CHST11: variants seen among roughly 807,000 people sequenced by gnomAD.
CHST11 encodes the protein carbohydrate sulfotransferase 11.
A neutral mutation model predicts 30.4 loss-of-function variants in CHST11; 9 were observed. That is an observed-to-expected ratio of 0.30 (90% CI 0.18 to 0.52). The LOEUF is 0.52. Ranked by LOEUF, CHST11 falls within the 20% of genes least tolerant of loss-of-function variation. The pLI is 0.97. For synonymous variants in CHST11, 152 were observed against 187.8 expected, an observed-to-expected ratio of 0.81 and a Z score of 1.56; for missense variants, 348 against 460.6, an observed-to-expected ratio of 0.76 and a Z score of 2.24.
intron 2 of CHST11, among the ~76,000 whole-genome samples, chr12:104,713,366 G>A (rs2040103587): frequency 2.0e-5 from 3 of 152,094 alleles, no homozygotes; most frequent in African/African-American, 7.2e-5. Flanking sequence ...GAGCCCTCCA[G>A]GATAGAAATC....
At chr12:104,560,910 G>A (rs1431305862) in intron 1 of CHST11, among the ~76,000 whole-genome samples, 1 of 152,194 alleles carries the variant, frequency 6.6e-6, no homozygotes, top group Non-Finnish European at 1.5e-5. Context: ...TGACATTGCT[G>A]TGGTCAGCCA....
intron 1 of CHST11, among the ~76,000 whole-genome samples, chr12:104,523,055 A>C (rs948050585): frequency 6.6e-6 from 1 of 152,266 alleles, no homozygotes; most frequent in African/African-American, 2.4e-5. Context: ...TTGACTAATT[A>C]GAAATGGAGA....
At chr12:104,469,515 C>A (rs1280314955) in intron 1 of CHST11, among the ~76,000 whole-genome samples, 1 of 152,190 alleles carries the variant, frequency 6.6e-6, no homozygotes, top group Non-Finnish European at 1.5e-5. Flanking sequence ...GGTAGCATGG[C>A]AGCCTGTATG....
At chr12:104,603,935 C>A (rs2038979830) in intron 2 of CHST11, among the ~76,000 whole-genome samples, 1 of 152,176 alleles carries the variant, frequency 6.6e-6, no homozygotes, top group Non-Finnish European at 1.5e-5. Context: ...TTCATTCACT[C>A]CTTTTTTTCA....
rs184899490 is a variant in CHST11 at position 104,539,338 on chromosome 12, T to G, written c.119-62568T>G. 4.9e-4 allele frequency among the ~76,000 whole-genome samples: 74 copies of G among 152,358 alleles called. No homozygotes were observed. The East Asian group carries it at 0.013, about 26-fold the overall frequency. On this transcript the variant is annotated intron_variant, in intron 1 of 2. Transcript: ENST00000303694. ...TAATATTGGTACCTCCCTGGAGGCT[T>G]TAATAAGATAATGCACCACACCTAG... is the stretch of plus-strand genomic sequence containing the variant.
chr12:104,622,988 T>G (rs1160480975), intron 2 of CHST11, among the ~76,000 whole-genome samples: 2 of 152,208 alleles, frequency 1.3e-5, no homozygotes, highest in Non-Finnish European at 2.9e-5. Flanking sequence ...CTCAACTAAG[T>G]TGGTGCATTA....
intron 1 of CHST11, among the ~76,000 whole-genome samples, chr12:104,467,560 C>T (rs1263783591): frequency 6.6e-6 from 1 of 152,150 alleles, no homozygotes; most frequent in Non-Finnish European, 1.5e-5. Context: ...GCTGATATTT[C>T]CAGCATCACC....
chr12:104,744,513 T>C (rs2040373481), intron 2 of CHST11, among the ~76,000 whole-genome samples: 1 of 152,240 alleles, frequency 6.6e-6, no homozygotes, highest in Admixed American at 6.5e-5. Context: ...CTTTGTCGGA[T>C]GCATAGTTCG....
intron 1 of CHST11, among the ~76,000 whole-genome samples, chr12:104,534,748 C>G (rs1565977964): frequency 6.6e-6 from 1 of 152,186 alleles, no homozygotes; most frequent in Non-Finnish European, 1.5e-5. Context: ...GACTGAAGAG[C>G]ATAATGCATG....
intron 2 of CHST11, among the ~76,000 whole-genome samples, chr12:104,677,192 T>C (rs1008132472): frequency 1.3e-5 from 2 of 152,202 alleles, no homozygotes; most frequent in African/African-American, 4.8e-5. Context: ...TGATTACTTT[T>C]CAATTATTTT....
At chr12:104,713,429 C>T (rs2040104052) in intron 2 of CHST11, among the ~76,000 whole-genome samples, 1 of 152,136 alleles carries the variant, frequency 6.6e-6, no homozygotes, top group South Asian at 2.1e-4. Flanking sequence ...GCCTTGCCTA[C>T]TCTGAGCACC....
At chr12:104,670,831 TCACACACACTCC>T (rs1566031616) in intron 2 of CHST11, among the ~76,000 whole-genome samples, 2 of 143,412 alleles carry the variant, frequency 1.4e-5, no homozygotes, top group African/African-American at 5.3e-5. Flanking sequence ...ACATACATTC[TCACACACACTCC>T]CACACATACC....
intron 1 of CHST11, among the ~76,000 whole-genome samples, chr12:104,469,927 A>G (rs1331849528): frequency 6.6e-6 from 1 of 152,210 alleles, no homozygotes; most frequent in African/African-American, 2.4e-5. Flanking sequence ...AAAAGTTTCT[A>G]TCTTTTTAAG....
At chr12:104,517,019 A>C (rs189160342) in intron 1 of CHST11, among the ~76,000 whole-genome samples, 2 of 151,762 alleles carry the variant, frequency 1.3e-5, no homozygotes, top group African/African-American at 4.8e-5. Context: ...AGCTCTCTTC[A>C]TGCATTCTCT....
Position 104,757,292 on chromosome 12 carries a change from T to C in CHST11, c.548T>C (p.Leu183Pro). Residue 183 changes from leucine (L) to proline (P), a missense_variant, in exon 3 of 3, where the codon CTG (leucine) becomes CCG (proline). Physicochemically the swap from Leu to Pro is moderately conservative, Grantham distance 98. Transcript: ENST00000303694. This position sits in a 1 kb window ranked among gnomAD's most constrained non-coding sequence, Gnocchi z 6.5. The part of the protein sequence containing the change: ...NHRLKSYMKF[L>P]FVREPFERLV... ...CGCTTGAAAAGCTACATGAAGTTCC[T>C]GTTTGTCCGGGAGCCCTTCGAGAGG... is the stretch of plus-strand genomic sequence containing the variant. 6.2e-7 allele frequency: 1 copy of C among 1,614,112 alleles called. No individual in the cohort carries two copies. Among genetic ancestry groups the C allele is most frequent in the Non-Finnish European group, 8.5e-7 (1 of 1,180,018 alleles).
intron 2 of CHST11, among the ~76,000 whole-genome samples, chr12:104,608,584 T>C (rs1391781592): frequency 6.6e-6 from 1 of 152,166 alleles, no homozygotes; most frequent in African/African-American, 2.4e-5. Context: ...CTTTTTCTAA[T>C]AAATCTGCCT....
chr12:104,708,917 G>C (rs1390716418), intron 2 of CHST11, among the ~76,000 whole-genome samples: 1 of 152,174 alleles, frequency 6.6e-6, no homozygotes, highest in Non-Finnish European at 1.5e-5. Flanking sequence ...TAGCTTCATA[G>C]AATGTGGCCT....
At chr12:104,633,511 T>C (rs1306708566) in intron 2 of CHST11, among the ~76,000 whole-genome samples, 1 of 146,762 alleles carries the variant, frequency 6.8e-6, no homozygotes, top group Non-Finnish European at 1.5e-5. Context: ...GTCTCTTGGG[T>C]TCAGGCAATT....
intron 2 of CHST11, among the ~76,000 whole-genome samples, chr12:104,665,999 T>G (rs1335729905): frequency 1.3e-5 from 2 of 151,860 alleles, no homozygotes; most frequent in Non-Finnish European, 2.9e-5. Context: ...TTTTGTATTT[T>G]AATAGAGATG....
Sources: gnomAD v4.1 joint callset for allele counts (sites outside exome capture counted in the v4.1 genomes callset) on GRCh38, gnomAD v4.1.1 for gene constraint, Gnocchi (gnomAD v3.1) non-coding constraint, MANE v1.5 for transcripts, NCBI Gene and HGNC (gene_info 2026-07-23, HGNC 2026-07-21) for gene names.